VWC2: variants seen among roughly 807,000 people sequenced by gnomAD.
VWC2 encodes the protein brorin.
In VWC2, 14 loss-of-function variants were observed where a neutral mutation model predicts 29.8. The observed-to-expected ratio is 0.47, with a 90% confidence interval of 0.31 to 0.74. The LOEUF (loss-of-function observed/expected upper bound fraction) is 0.74. Among genes scored for constraint, VWC2 ranks in the 30% least tolerant of loss-of-function variants. The pLI is 0.05. For missense variants in VWC2, 457 were observed against 459.8 expected (o/e 0.99, Z 0.05); for synonymous variants, 213 against 199.0 (o/e 1.07, Z -0.59).
chr7:49,847,552 T>A (rs1386181616), intron 3 of VWC2, among the ~76,000 whole-genome samples: 4 of 152,168 alleles, frequency 2.6e-5, no homozygotes, highest in Admixed American at 2.0e-4. Context: ...GAGATGATCA[T>A]CATTGTTCAA....
chr7:49,869,648 T>A (rs2128722812), intron 3 of VWC2, among the ~76,000 whole-genome samples: 1 of 152,210 alleles, frequency 6.6e-6, no homozygotes, highest in South Asian at 2.1e-4. Context: ...ACCAGAATAG[T>A]TAAAATTAAG....
At chr7:49,899,741 C>T (rs1004935826) in intron 3 of VWC2, among the ~76,000 whole-genome samples, 1 of 151,892 alleles carries the variant, frequency 6.6e-6, no homozygotes, top group Admixed American at 6.6e-5. Flanking sequence ...TTCCACACCC[C>T]TCTACCAGAA....
At chr7:49,849,266 C>T (rs530028177) in intron 3 of VWC2, among the ~76,000 whole-genome samples, 2 of 152,242 alleles carry the variant, frequency 1.3e-5, no homozygotes, top group African/African-American at 4.8e-5. Context: ...TGAATTTCCC[C>T]GAGGAGAGAG....
At chr7:49,888,360 A>G (rs1490070424) in intron 3 of VWC2, among the ~76,000 whole-genome samples, 1 of 152,226 alleles carries the variant, frequency 6.6e-6, no homozygotes, top group Non-Finnish European at 1.5e-5. Flanking sequence ...TGATTTTCCT[A>G]AATTTAGTTC....
rs1787985885 is a variant in VWC2 at position 49,773,719 on chromosome 7, G to C, written c.-498G>C. ...TCTCTTTTCCCTCCGACGCGCCACGGCTGCCCAGACATTCCGGCTGCCGGG... is the reference window on the plus strand; with the variant it reads ...TCTCTTTTCCCTCCGACGCGCCACGCCTGCCCAGACATTCCGGCTGCCGGG... On this transcript the variant is annotated 5_prime_UTR_variant, in exon 1 of 4. Coordinates refer to ENST00000340652, the MANE Select transcript of VWC2 (RefSeq NM_198570.5). 1 of 152,230 alleles carries C rather than the reference G, an allele frequency of 6.6e-6. No homozygotes were observed. The highest frequency in any genetic ancestry group is 1.5e-5 in the Non-Finnish European group (1 of 68,106). The allele number at this position is 152,230 out of a possible 1,614,324, so 9.4% of individuals were successfully genotyped here.
At chr7:49,814,981 T>C (rs1424291244) in intron 3 of VWC2, among the ~76,000 whole-genome samples, 4 of 152,234 alleles carry the variant, frequency 2.6e-5, no homozygotes, top group African/African-American at 9.6e-5. Context: ...TCTTATGCCA[T>C]TGATACTGAG....
intron 3 of VWC2, among the ~76,000 whole-genome samples, chr7:49,805,693 T>C (rs1788861768): frequency 6.6e-6 from 1 of 152,178 alleles, no homozygotes. Flanking sequence ...AATGTTCTTG[T>C]AAAAAAATTA....
chr7:49,857,009 C>CAAAAAAAAAAAAAA (rs59910243), intron 3 of VWC2, among the ~76,000 whole-genome samples: 32 of 52,788 alleles, frequency 6.1e-4, no homozygotes, highest in Admixed American at 1.2e-3. Context: ...GATACTGTCT[C>CAAAAAAAAAAAAAA]AAAAAAAAAA....
rs936544561 is a variant in VWC2, at chr7:49,823,592, G to T, written c.826+20752G>T. On this transcript the variant is annotated intron_variant, in intron 3 of 3. Coordinates refer to ENST00000340652, the MANE Select transcript of VWC2 (RefSeq NM_198570.5). The stretch of plus-strand genomic sequence containing the variant: ...GGGCCGTAAATATCCTGGGGCCCCC[G>T]GCAGTTGGGTATGTGTTTATTATAA... Among the ~76,000 whole-genome samples the T allele has an allele frequency of 2.2e-4, 34 of 152,140 alleles. 1 individual carries two copies.
chr7:49,848,379 C>A (rs985124368), intron 3 of VWC2, among the ~76,000 whole-genome samples: 1 of 152,170 alleles, frequency 6.6e-6, no homozygotes, highest in Admixed American at 6.5e-5. Flanking sequence ...AGGAAGCAGG[C>A]GACGCCCTGC....
Position 49,913,263 on chromosome 7 carries a change from T to C in VWC2, c.*1078T>C, listed in dbSNP as rs924189575. ...TGTTAAAACAAAGCTGAAGACCAAGTGCACTCCACAACTTTCCTATAGTTA... is the reference window on the plus strand; with the variant it reads ...TGTTAAAACAAAGCTGAAGACCAAGCGCACTCCACAACTTTCCTATAGTTA... On this transcript the variant is annotated 3_prime_UTR_variant, in exon 4 of 4. Coordinates refer to ENST00000340652, the MANE Select transcript of VWC2 (RefSeq NM_198570.5). 1 of 152,196 alleles carries C rather than the reference T, an allele frequency of 6.6e-6. No individual in the cohort carries two copies. The highest frequency in any genetic ancestry group is 2.4e-5 in the African/African-American group (1 of 41,450). 9.4% of individuals were successfully genotyped at this position (152,196 alleles called of 1,614,324 possible). A position where few individuals can be genotyped will look rare whatever the true frequency, so the allele number is the denominator to read the frequency against.
intron 2 of VWC2, among the ~76,000 whole-genome samples, chr7:49,777,653 T>C (rs1342501231): frequency 6.6e-6 from 1 of 152,172 alleles, no homozygotes; most frequent in Non-Finnish European, 1.5e-5. Flanking sequence ...GAGCAACTCA[T>C]ATGAACCACG....
At chr7:49,837,781 A>G (rs1789697348) in intron 3 of VWC2, among the ~76,000 whole-genome samples, 1 of 152,202 alleles carries the variant, frequency 6.6e-6, no homozygotes, top group African/African-American at 2.4e-5. Context: ...GGGGGTGGAA[A>G]TCTAATCGAT....
rs1009775591 is a variant in VWC2, at chr7:49,776,227, C to G, written c.696+96C>G. ...TCCCCCACTTTGAAGAAGAGGTGCTCTCTGGTTCTGAGAGGTGGAGAGCAC... is the reference window on the plus strand; with the variant it reads ...TCCCCCACTTTGAAGAAGAGGTGCTGTCTGGTTCTGAGAGGTGGAGAGCAC... On this transcript the variant is annotated intron_variant, in intron 2 of 3. Transcript: ENST00000340652. The G allele has an allele frequency of 6.2e-6, 7 of 1,134,596 alleles. No individual in the cohort carries two copies. The African/African-American group carries it at 1.1e-4, about 18-fold the overall frequency. The allele number at this position is 1,134,596 out of a possible 1,614,324, so 70.3% of individuals were successfully genotyped here. A position where few individuals can be genotyped will look rare whatever the true frequency, so the allele number is the denominator to read the frequency against.
At chr7:49,804,728 C>T (rs905959227) in intron 3 of VWC2, among the ~76,000 whole-genome samples, 1 of 152,124 alleles carries the variant, frequency 6.6e-6, no homozygotes, top group African/African-American at 2.4e-5. Flanking sequence ...CCTTTAGCTA[C>T]ACCTGTTGCT....
At position 49,912,223 on chromosome 7, in the gene VWC2, C is replaced by T. The variant is rs1468171798; in HGVS notation, c.*38C>T. On this transcript the variant is annotated 3_prime_UTR_variant, in exon 4 of 4. Transcript: ENST00000340652. ...ACACAAACTCTGACTTTTTCTAGAA[C>T]ATTTTACTGATGTGAACATTCTAGA... 2 of 1,610,156 alleles carry T rather than the reference C, an allele frequency of 1.2e-6. No homozygotes were observed. The highest frequency in any genetic ancestry group is 2.2e-5 in the South Asian group (2 of 90,702).
intron 1 of VWC2, among the ~76,000 whole-genome samples, chr7:49,774,386 G>T (rs576295610): frequency 2.1e-4 from 32 of 152,352 alleles, no homozygotes; most frequent in Non-Finnish European, 3.7e-4. Context: ...GGGGCGTTCG[G>T]GGAGTGAGGC....
At chr7:49,792,827 G>A (rs2128704146) in intron 2 of VWC2, among the ~76,000 whole-genome samples, 1 of 152,134 alleles carries the variant, frequency 6.6e-6, no homozygotes, top group East Asian at 1.9e-4. Flanking sequence ...AGGGAACGTG[G>A]GATTCCTCCT....
chr7:49,817,691 A>G (rs1437307565), intron 3 of VWC2, among the ~76,000 whole-genome samples: 1 of 152,246 alleles, frequency 6.6e-6, no homozygotes, highest in Non-Finnish European at 1.5e-5. Context: ...TAAACCTCCA[A>G]TTCTGAAAAT....
Sources: allele counts gnomAD v4.1 joint callset (sites outside exome capture counted in the v4.1 genomes callset), GRCh38; gene constraint gnomAD v4.1.1; transcripts MANE v1.5; gene names NCBI Gene and HGNC (gene_info 2026-07-23, HGNC 2026-07-21).